MAP4K3: variants seen among roughly 807,000 people sequenced by gnomAD.
The protein encoded by MAP4K3 is MAPK/ERK kinase kinase kinase 3.
In MAP4K3, 94 loss-of-function variants were observed where a neutral mutation model predicts 143.5. The ratio of observed to expected loss-of-function variants is 0.65; its 90% CI spans 0.55 to 0.78. MAP4K3 has a LOEUF of 0.78. Ranked by LOEUF, MAP4K3 falls within the 30% of genes least tolerant of loss-of-function variation. The pLI is 0.00. For synonymous variants in MAP4K3, 416 were observed against 347.2 expected (o/e 1.20, Z -2.20); for missense variants, 1,077 against 1,068.1 (o/e 1.01, Z -0.12).
intron 21 of MAP4K3, among the ~76,000 whole-genome samples, chr2:39,285,517 T>G (rs1681732892): frequency 6.6e-6 from 1 of 152,244 alleles, no homozygotes. Context: ...ACTGCTCAGT[T>G]GGACAGAACT....
chr2:39,276,080 T>A (rs1681239310), intron 24 of MAP4K3, among the ~76,000 whole-genome samples: 1 of 152,040 alleles, frequency 6.6e-6, no homozygotes, highest in South Asian at 2.1e-4. Flanking sequence ...ACCTTATTTG[T>A]TAGGCTGGTG....
At chr2:39,408,876 C>T (rs1015868290) in intron 1 of MAP4K3, among the ~76,000 whole-genome samples, 1 of 152,180 alleles carries the variant, frequency 6.6e-6, no homozygotes. Context: ...TCCAAGACTG[C>T]TTTGACTTCT....
chr2:39,255,553 A>G (rs1322299485), intron 31 of MAP4K3, among the ~76,000 whole-genome samples: 1 of 152,020 alleles, frequency 6.6e-6, no homozygotes, highest in East Asian at 1.9e-4. Context: ...TCTTCTACCT[A>G]TTTATTCCTG....
In MAP4K3 at chr2:39,356,389, G is replaced by T. The variant is rs184370946; in HGVS notation, c.155-50C>A. ...AATATTTAGAGGTAAGTTTCAAAAT[G>T]CTCATTTATTTCAAAACACAATAAA... On this transcript the variant is annotated intron_variant, in intron 2 of 33. Transcript: ENST00000263881. 7.3e-6 allele frequency: 7 copies of T among 964,250 alleles called. No individual in the cohort carries two copies. In the African/African-American group the frequency reaches 8.1e-5, roughly 11 times the overall value. 59.7% of individuals were successfully genotyped at this position (964,250 alleles called of 1,614,324 possible). A position where few individuals can be genotyped will look rare whatever the true frequency, so the allele number is the denominator to read the frequency against.
rs75948340 is a variant in MAP4K3 at position 39,424,896 on chromosome 2, T to C, written c.96+11996A>G. On this transcript the variant is annotated intron_variant, in intron 1 of 33. Coordinates refer to ENST00000263881, the MANE Select transcript of MAP4K3 (RefSeq NM_003618.4). ...AGAGGATAACAACAAAGTCTGTGTT[T>C]GGGTAGAAGAAAAACAGTCCTCCAA... is the stretch of plus-strand genomic sequence containing the variant. 4.3e-3 allele frequency among the ~76,000 whole-genome samples: 644 copies of C among 151,266 alleles called. 2 individuals are homozygous for C. The highest frequency in any genetic ancestry group is 0.017 in the Middle Eastern group (5 of 294).
rs1680104428 is a variant in MAP4K3 at position 39,250,381 on chromosome 2, T to C, written c.*237A>G. 1 of 409,006 alleles carries C rather than the reference T, an allele frequency of 2.4e-6. No homozygotes were observed. Among genetic ancestry groups the C allele is most frequent in the Non-Finnish European group, 4.4e-6 (1 of 228,318 alleles). 25.3% of individuals were successfully genotyped at this position (409,006 alleles called of 1,614,324 possible). On this transcript the variant is annotated 3_prime_UTR_variant, in exon 34 of 34. Transcript: ENST00000263881. ...GCAATATGAAGTTTCACAGAAAAAA[T>C]ACTGCCTATATGTACAAAGATTACA...
intron 24 of MAP4K3, among the ~76,000 whole-genome samples, chr2:39,274,276 G>A (rs1255526845): frequency 1.3e-5 from 2 of 150,958 alleles, no homozygotes; most frequent in East Asian, 3.9e-4. Context: ...GAGTGCAGTG[G>A]CGCGATCTCC....
chr2:39,421,695 T>C (rs1667552649), intron 1 of MAP4K3, among the ~76,000 whole-genome samples: 1 of 152,210 alleles, frequency 6.6e-6, no homozygotes, highest in African/African-American at 2.4e-5. Flanking sequence ...ATTATAACTA[T>C]TGTTATTAAT....
intron 1 of MAP4K3, among the ~76,000 whole-genome samples, chr2:39,396,143 T>C (rs1261610403): frequency 6.6e-6 from 1 of 152,112 alleles, no homozygotes; most frequent in African/African-American, 2.4e-5. Flanking sequence ...GCTCAAACAA[T>C]CTTCCTGCCT....
intron 1 of MAP4K3, chr2:39,379,790 A>G (rs1030362039): frequency 5.9e-6 from 1 of 168,884 alleles, no homozygotes; most frequent in Non-Finnish European, 1.5e-5. Flanking sequence ...CTACTATGGA[A>G]GAGCAGACAA....
At chr2:39,407,440 AAG>A (rs1413105927) in intron 1 of MAP4K3, among the ~76,000 whole-genome samples, 1 of 152,232 alleles carries the variant, frequency 6.6e-6, no homozygotes, top group Non-Finnish European at 1.5e-5. Flanking sequence ...TAAAAACGTC[AAG>A]AAAACAGAAG....
chr2:39,361,653 T>G (rs1191058381), intron 2 of MAP4K3, among the ~76,000 whole-genome samples: 1 of 151,698 alleles, frequency 6.6e-6, no homozygotes, highest in African/African-American at 2.4e-5. Context: ...AGTTTAAACT[T>G]GCTTTTAAAA....
At chr2:39,323,567 T>C (rs1167214051) in intron 12 of MAP4K3, 3 of 152,222 alleles carry the variant, frequency 2.0e-5, no homozygotes, top group East Asian at 1.9e-4. Context: ...TTAATTGAAA[T>C]TGCATAAAGT....
chr2:39,311,992 T>C (rs970807901), intron 13 of MAP4K3, among the ~76,000 whole-genome samples: 5 of 152,146 alleles, frequency 3.3e-5, no homozygotes, highest in African/African-American at 7.2e-5. Flanking sequence ...GAGCAAAAAA[T>C]TGGTAAATAT....
At chr2:39,314,163 G>A (rs1414390311) in intron 13 of MAP4K3, among the ~76,000 whole-genome samples, 2 of 151,864 alleles carry the variant, frequency 1.3e-5, no homozygotes, top group South Asian at 2.1e-4. Flanking sequence ...CCAAGTAGCT[G>A]GGGTTACAGG....
intron 4 of MAP4K3, among the ~76,000 whole-genome samples, chr2:39,340,223 G>A (rs1458475727): frequency 3.3e-5 from 5 of 152,160 alleles, no homozygotes; most frequent in Admixed American, 2.6e-4. Flanking sequence ...AGAAGAGAGA[G>A]ACACATAGAA....
At chr2:39,290,637 T>A (rs769588858) in intron 18 of MAP4K3, among the ~76,000 whole-genome samples, 4 of 151,730 alleles carry the variant, frequency 2.6e-5, no homozygotes, top group African/African-American at 9.7e-5. Context: ...AAGCAGAACA[T>A]AGGATACTAG....
At chr2:39,266,255 G>A (rs1321012167) in intron 27 of MAP4K3, among the ~76,000 whole-genome samples, 5 of 152,050 alleles carry the variant, frequency 3.3e-5, no homozygotes, top group Non-Finnish European at 7.4e-5. Flanking sequence ...TTGCCCTTCT[G>A]CCAGTCTTTT....
chr2:39,393,577 G>T (rs2148598762), intron 1 of MAP4K3, among the ~76,000 whole-genome samples: 1 of 152,178 alleles, frequency 6.6e-6, no homozygotes, highest in East Asian at 1.9e-4. Flanking sequence ...AATCTTCTCT[G>T]TATCATTCCA....
Sources: gnomAD v4.1 joint callset for allele counts (sites outside exome capture counted in the v4.1 genomes callset) on GRCh38, gnomAD v4.1.1 for gene constraint, MANE v1.5 for transcripts, NCBI Gene and HGNC (gene_info 2026-07-23, HGNC 2026-07-21) for gene names.